ZNF215: variants seen among roughly 807,000 people sequenced by gnomAD.
The protein encoded by ZNF215 is BWSCR2-associated zinc finger protein 2.
ZNF215 carries 24 observed loss-of-function variants against 27.2 expected under a neutral mutation model. The ratio of observed to expected loss-of-function variants is 0.88; its 90% CI spans 0.64 to 1.24. The LOEUF (loss-of-function observed/expected upper bound fraction) is 1.24, where lower values mean the gene tolerates loss of function less well. ZNF215 is among the 50% of genes most tolerant of loss of function. The pLI, the probability that ZNF215 is intolerant of heterozygous loss-of-function variation, is 0.00. For missense variants in ZNF215, 675 were observed against 605.7 expected (o/e 1.11, Z -1.20); for synonymous variants, 210 against 204.0 (o/e 1.03, Z -0.25).
intron 6 of ZNF215, among the ~76,000 whole-genome samples, chr11:6,945,534 A>C (rs1279660414): frequency 1.3e-5 from 2 of 152,162 alleles, no homozygotes; most frequent in African/African-American, 4.8e-5. Flanking sequence ...GTTGTTGCTA[A>C]AGTTTTTAAT....
intron 3 of ZNF215, among the ~76,000 whole-genome samples, chr11:6,938,897 G>A (rs1849534272): frequency 6.6e-6 from 1 of 152,106 alleles, no homozygotes; most frequent in African/African-American, 2.4e-5. Context: ...TTTATATTAT[G>A]TGAATTTTGC....
At chr11:6,983,627 G>T (rs963957995) in intron 5 of ZNF215, among the ~76,000 whole-genome samples, 2 of 152,046 alleles carry the variant, frequency 1.3e-5, no homozygotes, top group East Asian at 1.9e-4. Context: ...TTAAAAACTA[G>T]AACATAGATA....
chr11:6,946,053 T>C (rs1434120230), intron 6 of ZNF215, among the ~76,000 whole-genome samples: 1 of 152,172 alleles, frequency 6.6e-6, no homozygotes, highest in South Asian at 2.1e-4. Flanking sequence ...TAACTATTCT[T>C]GACACAACTT....
At chr11:6,987,997 C>T (rs893487573), downstream of ZNF215, among the ~76,000 whole-genome samples, 1 of 152,232 alleles carries the variant, frequency 6.6e-6, no homozygotes, top group East Asian at 1.9e-4. Context: ...ACTTTTAAAA[C>T]CTCACTTATC....
At chr11:6,974,204 T>G (rs1850782909) in intron 5 of ZNF215, among the ~76,000 whole-genome samples, 1 of 152,158 alleles carries the variant, frequency 6.6e-6, no homozygotes, top group South Asian at 2.1e-4. Flanking sequence ...CAGATGGTTG[T>G]AGATGTGTGG....
chr11:6,943,462 G>A (rs893466776), intron 5 of ZNF215, 84 bp from the exon 6 acceptor site: 11 of 1,325,952 alleles, frequency 8.3e-6, no homozygotes, highest in Non-Finnish European at 1.2e-5. Context: ...TACTGTGTCG[G>A]GATAGAATTA....
Position 6,958,008 on chromosome 11 carries a change from A to G in ZNF215, c.*1477A>G, listed in dbSNP as rs1044579443. 1.0e-5 allele frequency: 10 copies of G among 985,346 alleles called. No homozygotes were observed. The highest frequency in any genetic ancestry group is 1.7e-5 in the African/African-American group (1 of 57,256). The allele number at this position is 985,346 out of a possible 1,614,324, so 61.0% of individuals were successfully genotyped here. On this transcript the variant is annotated 3_prime_UTR_variant, in exon 7 of 7. Transcript: ENST00000278319. ...CCTTATTCAAAGGCAGAAAAGGTAT[A>G]CTGGAGTGAACTCCTATGATTAAAT...
In ZNF215 at chr11:6,942,676, C is replaced by G. The variant is rs185193035; in HGVS notation, c.484-407C>G. Among the ~76,000 whole-genome samples the G allele has an allele frequency of 3.9e-5, 6 of 152,278 alleles. No individual in the cohort carries two copies. The East Asian group carries it at 1.2e-3, about 29-fold the overall frequency. On this transcript the variant is annotated intron_variant, in intron 4 of 6. Coordinates refer to ENST00000278319, the MANE Select transcript of ZNF215 (RefSeq NM_013250.4). ...TAAAGAAAATGCCCTACCTCTCCTTCCAGCAGAGCCTACATTTTCATTACA... is the reference window on the plus strand; with the variant it reads ...TAAAGAAAATGCCCTACCTCTCCTTGCAGCAGAGCCTACATTTTCATTACA...
downstream of ZNF215, among the ~76,000 whole-genome samples, chr11:6,962,600 C>T (rs938447841): frequency 2.3e-4 from 35 of 152,154 alleles, no homozygotes; most frequent in Admixed American, 7.2e-4. Context: ...TTTGACTGTT[C>T]ATCTCACTTG....
At chr11:6,993,838 C>T (rs1435683772), downstream of ZNF215, among the ~76,000 whole-genome samples, 1 of 152,176 alleles carries the variant, frequency 6.6e-6, no homozygotes, top group East Asian at 1.9e-4. Context: ...GTCATTTGTA[C>T]ACATGTGCAG....
chr11:6,936,913 G>A (rs1849456379), intron 3 of ZNF215, among the ~76,000 whole-genome samples: 1 of 149,652 alleles, frequency 6.7e-6, no homozygotes, highest in Admixed American at 6.7e-5. Context: ...AGGACTAGAA[G>A]TGAACTCACT....
At chr11:6,934,775 T>A (rs1417422407) in intron 3 of ZNF215, among the ~76,000 whole-genome samples, 4 of 152,204 alleles carry the variant, frequency 2.6e-5, no homozygotes, top group Non-Finnish European at 5.9e-5. Context: ...TTTAATCACA[T>A]CTGCAGAGTC....
In ZNF215 at chr11:6,943,617, GA is replaced by G. The variant is rs772324870; in HGVS notation, c.691del (p.Ile231TyrfsTer9). 21 of 1,613,880 alleles carry G rather than the reference GA, an allele frequency of 1.3e-5. No homozygotes were observed. The highest frequency in any genetic ancestry group is 8.3e-5 in the Admixed American group (5 of 60,002). ...GAAAAAAAGATGGATAATGGAGAAA[GA>G]AATACCAAGGAAGACTATTTTTGGT... is the stretch of plus-strand genomic sequence containing the variant. ...SKKKRWIMEK[E>X]IPRKTIFDMK... On this transcript the variant is annotated frameshift_variant, in exon 6 of 7. Coordinates refer to ENST00000278319, the MANE Select transcript of ZNF215 (RefSeq NM_013250.4). LOFTEE classifies it low-confidence loss of function (END_TRUNC).
intron 3 of ZNF215, among the ~76,000 whole-genome samples, chr11:6,938,053 A>G (rs1173260082): frequency 6.6e-6 from 1 of 152,046 alleles, no homozygotes; most frequent in Non-Finnish European, 1.5e-5. Flanking sequence ...AAGGCAGCGA[A>G]AAACCTACAG....
At chr11:6,953,652 G>A (rs1403436243) in intron 6 of ZNF215, among the ~76,000 whole-genome samples, 1 of 152,140 alleles carries the variant, frequency 6.6e-6, no homozygotes, top group Non-Finnish European at 1.5e-5. Flanking sequence ...TTTTTTCAAA[G>A]TTTTCACCTT....
downstream of ZNF215, among the ~76,000 whole-genome samples, chr11:6,992,440 A>G (rs1350364450): frequency 2.0e-5 from 3 of 152,382 alleles, no homozygotes; most frequent in Admixed American, 2.0e-4. Flanking sequence ...CATCAATAGG[A>G]TAAACATGCT....
downstream of ZNF215, among the ~76,000 whole-genome samples, chr11:6,987,929 C>CA (rs200849534): frequency 3.5e-3 from 530 of 151,890 alleles, 2 homozygotes; most frequent in East Asian, 0.02. Flanking sequence ...AAAACTGGAA[C>CA]AAAAAAAGAA....
chr11:6,933,130 A>AT (rs1849321286), intron 3 of ZNF215, among the ~76,000 whole-genome samples: 1 of 152,220 alleles, frequency 6.6e-6, no homozygotes, highest in Non-Finnish European at 1.5e-5. Flanking sequence ...TGTAAAGGAG[A>AT]GAGATCTGAG....
chr11:6,939,597 C>T (rs1849565518), intron 3 of ZNF215, among the ~76,000 whole-genome samples: 1 of 152,000 alleles, frequency 6.6e-6, no homozygotes, highest in Non-Finnish European at 1.5e-5. Context: ...AAAAAGGTGC[C>T]TTTGATGATG....
Sources: allele counts gnomAD v4.1 joint callset (sites outside exome capture counted in the v4.1 genomes callset), GRCh38; gene constraint gnomAD v4.1.1; transcripts MANE v1.5; gene names NCBI Gene and HGNC (gene_info 2026-07-23, HGNC 2026-07-21).